Variants in CADPS observed in about 807,000 individuals in gnomAD.
CADPS encodes calcium dependent secretion activator, also known as calcium-dependent secretion activator 1.
In CADPS, 57 loss-of-function variants were observed where a neutral mutation model predicts 167.3. The observed-to-expected ratio is 0.34, with a 90% CI of 0.28 to 0.42. The LOEUF is 0.42. CADPS is among the 20% of genes least tolerant of loss of function. The pLI is 1.00. For synonymous variants in CADPS, 676 were observed against 635.3 expected, an observed-to-expected ratio of 1.06 and a Z score of -0.96; for missense variants, 1,414 against 1,738.1, an observed-to-expected ratio of 0.81 and a Z score of 3.32.
chr3:62,803,783 G>A (rs1376791133), intron 1 of CADPS, among the ~76,000 whole-genome samples: 1 of 151,996 alleles, frequency 6.6e-6, no homozygotes, highest in African/African-American at 2.4e-5. Context: ...GTTTTCCCAG[G>A]ATACGAGAGG....
At chr3:62,556,717 G>C (rs1400299694) in intron 10 of CADPS, among the ~76,000 whole-genome samples, 2 of 151,914 alleles carry the variant, frequency 1.3e-5, no homozygotes, top group Non-Finnish European at 2.9e-5. Flanking sequence ...GGTGGGGGGA[G>C]AGGTGCGAGG....
intron 3 of CADPS, among the ~76,000 whole-genome samples, chr3:62,679,503 A>C (rs2076820295): frequency 6.6e-6 from 1 of 151,964 alleles, no homozygotes. Flanking sequence ...AGATCTCCCT[A>C]AGAGTAGCAG....
At chr3:62,615,184 C>T (rs1427421639) in intron 6 of CADPS, among the ~76,000 whole-genome samples, 1 of 152,066 alleles carries the variant, frequency 6.6e-6, no homozygotes, top group Non-Finnish European at 1.5e-5. Context: ...AAATACTGTG[C>T]AAGACAGGTC....
intron 1 of CADPS, among the ~76,000 whole-genome samples, chr3:62,868,109 C>T (rs1209623202): frequency 6.6e-6 from 1 of 152,118 alleles, no homozygotes; most frequent in South Asian, 2.1e-4. Flanking sequence ...CATGCCTAGA[C>T]TGACAAATGA....
In CADPS at chr3:62,764,710, A is replaced by C. The variant is rs573632819; in HGVS notation, c.555+1161T>G. On this transcript the variant is annotated intron_variant, in intron 2 of 29. Transcript: ENST00000383710. The stretch of plus-strand genomic sequence containing the variant: ...TTCAATCAATTAACATATTGAAAGC[A>C]TCTGTTGTGGGCTGAATCAGATGGG... Among the ~76,000 whole-genome samples the C allele has an allele frequency of 3.9e-5, 6 of 152,338 alleles. No homozygotes were observed. The East Asian group carries it at 1.2e-3, about 29-fold the overall frequency.
intron 6 of CADPS, among the ~76,000 whole-genome samples, chr3:62,614,911 G>A (rs996359975): frequency 1.3e-5 from 2 of 152,134 alleles, no homozygotes; most frequent in Non-Finnish European, 1.5e-5. Context: ...CATAACATAT[G>A]TGTCTCTTAG....
intron 9 of CADPS, among the ~76,000 whole-genome samples, chr3:62,569,421 G>T (rs1215796304): frequency 6.6e-6 from 1 of 152,178 alleles, no homozygotes; most frequent in East Asian, 1.9e-4. Flanking sequence ...TATTCTGAGG[G>T]ACGGGCATCA....
chr3:62,637,284 A>G (rs1242841706), intron 6 of CADPS, among the ~76,000 whole-genome samples: 2 of 152,056 alleles, frequency 1.3e-5, no homozygotes, highest in African/African-American at 2.4e-5. Context: ...TGTGATTTAA[A>G]CCCAGCTCCA....
intron 3 of CADPS, among the ~76,000 whole-genome samples, chr3:62,676,396 G>A (rs1343225102): frequency 1.3e-5 from 2 of 152,004 alleles, no homozygotes; most frequent in African/African-American, 2.4e-5. Context: ...TGGTCTATGC[G>A]ATTTTTTAAA....
At chr3:62,559,878 G>A (rs1277607178) in intron 9 of CADPS, among the ~76,000 whole-genome samples, 1 of 151,714 alleles carries the variant, frequency 6.6e-6, no homozygotes, top group African/African-American at 2.4e-5. Flanking sequence ...ACAGAGAGTT[G>A]CCGACACTCA....
At chr3:62,774,146 T>A (rs2089672061) in intron 1 of CADPS, among the ~76,000 whole-genome samples, 1 of 151,618 alleles carries the variant, frequency 6.6e-6, no homozygotes, top group Admixed American at 6.6e-5. Context: ...GGATTGAAGA[T>A]CAAAAGAGAA....
At chr3:62,855,155 G>C (rs1238406419) in intron 1 of CADPS, among the ~76,000 whole-genome samples, 4 of 139,762 alleles carry the variant, frequency 2.9e-5, no homozygotes, top group South Asian at 2.3e-4. Context: ...ATGTTGCCCA[G>C]GCTGATCTGG....
chr3:62,546,195 CTT>C (rs2076422467), intron 11 of CADPS, among the ~76,000 whole-genome samples: 1 of 151,008 alleles, frequency 6.6e-6, no homozygotes, highest in Non-Finnish European at 1.5e-5. Flanking sequence ...TGTGATGTGA[CTT>C]GATTAAAATA....
At chr3:62,718,121 T>C (rs2085041905) in intron 3 of CADPS, among the ~76,000 whole-genome samples, 1 of 152,134 alleles carries the variant, frequency 6.6e-6, no homozygotes, top group African/African-American at 2.4e-5. Context: ...ACTTATTTCA[T>C]AGCCCTTACT....
At chr3:62,829,278 A>T (rs574741556) in intron 1 of CADPS, among the ~76,000 whole-genome samples, 23 of 152,340 alleles carry the variant, frequency 1.5e-4, no homozygotes, top group Admixed American at 2.6e-4. Flanking sequence ...AAATTTAAAA[A>T]TAGAGTGTAA....
chr3:62,797,802 C>T (rs1052488694), intron 1 of CADPS, among the ~76,000 whole-genome samples: 1 of 151,790 alleles, frequency 6.6e-6, no homozygotes, highest in Non-Finnish European at 1.5e-5. Context: ...TGCACTTGCA[C>T]CCCTGAACTG....
chr3:62,857,143 C>G (rs936420540), intron 1 of CADPS, among the ~76,000 whole-genome samples: 1 of 151,766 alleles, frequency 6.6e-6, no homozygotes, highest in African/African-American at 2.4e-5. Context: ...AACAAATAAG[C>G]ATAACAATGG....
chr3:62,758,265 G>A (rs1307195421), intron 2 of CADPS, among the ~76,000 whole-genome samples: 2 of 152,198 alleles, frequency 1.3e-5, no homozygotes, highest in Non-Finnish European at 2.9e-5. Context: ...TTTGAAAAGT[G>A]GAGGGATCTA....
intron 6 of CADPS, among the ~76,000 whole-genome samples, chr3:62,607,182 G>C (rs1159576151): frequency 6.6e-6 from 1 of 152,132 alleles, no homozygotes; most frequent in Non-Finnish European, 1.5e-5. Flanking sequence ...ATTATATAAA[G>C]TCCATGGCAG....
Sources: gnomAD v4.1 joint callset for allele counts (sites outside exome capture counted in the v4.1 genomes callset) on GRCh38, gnomAD v4.1.1 for gene constraint, MANE v1.5 for transcripts, NCBI Gene and HGNC (gene_info 2026-07-23, HGNC 2026-07-21) for gene names.